Variants in ATP6V1B1 observed in about 807,000 individuals in gnomAD.
The protein encoded by ATP6V1B1 is ATPase H+ transporting V1 subunit B1, also known as V-type proton ATPase subunit B, kidney isoform.
Under a neutral mutation model 62.1 loss-of-function variants are expected in ATP6V1B1, and 41 were observed. That is an observed-to-expected ratio of 0.66 (90% CI 0.51 to 0.86). The LOEUF (loss-of-function observed/expected upper bound fraction) is 0.86, where lower values mean the gene tolerates loss of function less well. ATP6V1B1 is among the 40% of genes least tolerant of loss of function. The pLI is 0.00. For synonymous variants in ATP6V1B1, 253 were observed against 273.4 expected, an observed-to-expected ratio of 0.93 and a Z score of 0.74; for missense variants, 651 against 697.5, an observed-to-expected ratio of 0.93 and a Z score of 0.75.
chr2:70,951,440 A>AT lies in ATP6V1B1; in HGVS notation c.175-6596dup, dbSNP rs542708749. On this transcript the variant is annotated intron_variant, in intron 2 of 13. Transcript: ENST00000234396. ...GTAAGCTGATAAATTGGAATGTAGC[A>AT]TTTTTTTTTTCACTCCAGTATAGGA... Among the ~76,000 whole-genome samples the AT allele has an allele frequency of 4.4e-4, 66 of 149,134 alleles. 1 individual carries two copies. The highest frequency in any genetic ancestry group is 1.3e-3 in the African/African-American group (54 of 40,640).
chr2:70,947,123 T>C (rs1057318420), intron 2 of ATP6V1B1, among the ~76,000 whole-genome samples: 2 of 150,992 alleles, frequency 1.3e-5, no homozygotes, highest in Non-Finnish European at 3.0e-5. Context: ...TTTGTGTAGA[T>C]CAGAGGTTCT....
At chr2:70,961,406 T>G (rs528781791) in intron 7 of ATP6V1B1, among the ~76,000 whole-genome samples, 190 bp from the exon 8 acceptor site, 5 of 152,332 alleles carry the variant, frequency 3.3e-5, no homozygotes, top group Admixed American at 6.5e-5. Flanking sequence ...CAAGGCCCTA[T>G]GAGGACTGGG....
intron 1 of ATP6V1B1, among the ~76,000 whole-genome samples, chr2:70,937,653 C>A (rs527906120): frequency 5.7e-4 from 86 of 151,990 alleles, no homozygotes; most frequent in Non-Finnish European, 1.1e-3. Context: ...CCCTGCAGGC[C>A]GTCCCTCCTC....
intron 2 of ATP6V1B1, chr2:70,957,761 G>A (rs560622944): frequency 3.6e-5 from 16 of 444,888 alleles, no homozygotes; most frequent in South Asian, 8.2e-5. Context: ...TATGACTTAC[G>A]TATTTAATGA....
At position 70,963,470 on chromosome 2, in the gene ATP6V1B1, C is replaced by T; in HGVS notation, c.1061-102C>T. The T allele has an allele frequency of 2.6e-6, 4 of 1,527,090 alleles. No homozygotes were observed. In the South Asian group the frequency reaches 3.4e-5, roughly 13 times the overall value. 94.6% of individuals were successfully genotyped at this position (1,527,090 alleles called of 1,614,324 possible). The stretch of plus-strand genomic sequence containing the variant: ...TTTCCTCCACCATCCATGCCCCCCA[C>T]ACATCCCTATCACTCCCATGAGGGA... On this transcript the variant is annotated intron_variant, in intron 10 of 13. Transcript: ENST00000234396. This position sits in a 1 kb window ranked among gnomAD's most constrained non-coding sequence, Gnocchi z 4.3.
At chr2:70,943,422 C>A (rs1444716359) in intron 1 of ATP6V1B1, 3 of 660,680 alleles carry the variant, frequency 4.5e-6, no homozygotes, top group Non-Finnish European at 8.3e-6. Flanking sequence ...GAGGCCTCTG[C>A]CCTCTGCCTG....
chr2:70,959,821 T>G lies in ATP6V1B1; in HGVS notation c.446-118T>G. 6.6e-7 allele frequency: 1 copy of G among 1,513,304 alleles called. No homozygotes were observed. The highest frequency in any genetic ancestry group is 9.1e-7 in the Non-Finnish European group (1 of 1,099,160). The allele number at this position is 1,513,304 out of a possible 1,614,324, so 93.7% of individuals were successfully genotyped here. On this transcript the variant is annotated intron_variant, in intron 5 of 13. Coordinates refer to ENST00000234396, the MANE Select transcript of ATP6V1B1 (RefSeq NM_001692.4). The surrounding 1 kb of genome is among the most constrained non-coding windows in gnomAD (Gnocchi z 4.2). ...ATCAGGCAGCACGGCCAGAGCACGT[T>G]TCTATCATCACAGAAAGTTCCGTCA...
chr2:70,943,899 T>C lies in ATP6V1B1; in HGVS notation c.174+186T>C, dbSNP rs1307200288. 5 of 832,584 alleles carry C rather than the reference T, an allele frequency of 6.0e-6. No individual in the cohort carries two copies. In the African/African-American group the frequency reaches 7.4e-5, roughly 12 times the overall value. The allele number at this position is 832,584 out of a possible 1,614,324, so 51.6% of individuals were successfully genotyped here. ...TGTATCCCCAGCCGTCCAAGCTTTC[T>C]CCTCCCTGCCTTTTCAGTAAAAACC... On this transcript the variant is annotated intron_variant, in intron 2 of 13. Coordinates refer to ENST00000234396, the MANE Select transcript of ATP6V1B1 (RefSeq NM_001692.4).
At position 70,961,688 on chromosome 2, in the gene ATP6V1B1, C is replaced by G. The variant is rs1680591400; in HGVS notation, c.780C>G (p.Asp260Glu). 6.2e-7 allele frequency: 1 copy of G among 1,614,044 alleles called. No individual in the cohort carries two copies. Among genetic ancestry groups the G allele is most frequent in the South Asian group, 1.1e-5 (1 of 91,086 alleles). Reference protein sequence around the residue: ...NVCLFLNLANDPTIERIITPR... With the variant: ...NVCLFLNLANEPTIERIITPR... ...GCCTCTTCCTGAACTTGGCCAATGA[C>G]CCCACGTGAGCTTTCCCTGATGCCC... Residue 260 changes from aspartate (D) to glutamate (E), a missense_variant, in exon 8 of 14, where the codon GAC (aspartate) becomes GAG (glutamate). By Grantham distance (45) the Asp-to-Glu change is conservative (BLOSUM62 2). Transcript: ENST00000234396.
chr2:70,947,100 T>C (rs68044170), intron 2 of ATP6V1B1, among the ~76,000 whole-genome samples: 41,472 of 152,030 alleles, frequency 0.27, 5,706 homozygotes, highest in Admixed American at 0.33. Context: ...GTAAGAACAT[T>C]TGAGGGAAGA....
chr2:70,964,364 T>C, intron 11 of ATP6V1B1, 74 bp from the exon 12 acceptor site: 1 of 1,503,750 alleles, frequency 6.7e-7, no homozygotes, highest in Non-Finnish European at 9.3e-7. Flanking sequence ...GAGCTTCTCC[T>C]GAGAACAATT....
At chr2:70,958,717 C>A (rs1195326507) in intron 4 of ATP6V1B1, among the ~76,000 whole-genome samples, 2 of 152,212 alleles carry the variant, frequency 1.3e-5, no homozygotes, top group Admixed American at 1.3e-4. Flanking sequence ...CCTTGAATAT[C>A]CCCTAATTCT....
intron 2 of ATP6V1B1, among the ~76,000 whole-genome samples, chr2:70,949,348 G>A (rs546244958): frequency 6.6e-6 from 1 of 152,216 alleles, no homozygotes; most frequent in Admixed American, 6.5e-5. Flanking sequence ...ACAGACATTC[G>A]TATGTTCTCA....
intron 2 of ATP6V1B1, among the ~76,000 whole-genome samples, chr2:70,954,290 A>G (rs1381356090): frequency 6.6e-6 from 1 of 152,184 alleles, no homozygotes; most frequent in Non-Finnish European, 1.5e-5. Context: ...GCTTTTCACT[A>G]TTATGGGAGC....
rs145716996 is a variant in ATP6V1B1, at chr2:70,952,084, C to G, written c.175-5962C>G. On this transcript the variant is annotated intron_variant, in intron 2 of 13. Transcript: ENST00000234396. Reference sequence around the variant, plus strand: ...AGTAACGTTAGCATTTTACCATGTACAAGGATGTTGATGTTGGTTTTGGTT... The same window carrying G: ...AGTAACGTTAGCATTTTACCATGTAGAAGGATGTTGATGTTGGTTTTGGTT... 9.9e-5 allele frequency among the ~76,000 whole-genome samples: 15 copies of G among 152,166 alleles called. No homozygotes were observed. The East Asian group carries it at 2.9e-3, about 29-fold the overall frequency.
intron 2 of ATP6V1B1, among the ~76,000 whole-genome samples, chr2:70,951,124 G>A (rs1680314997): frequency 6.6e-6 from 1 of 151,662 alleles, no homozygotes; most frequent in South Asian, 2.1e-4. Flanking sequence ...TGTATTTTTA[G>A]TAGAGACAGG....
intron 2 of ATP6V1B1, among the ~76,000 whole-genome samples, chr2:70,951,722 A>AC (rs1680326207): frequency 6.6e-6 from 1 of 152,002 alleles, no homozygotes; most frequent in Non-Finnish European, 1.5e-5. Context: ...ACATGGAGAA[A>AC]CCCCATCTCT....
chr2:70,962,984 G>A, intron 9 of ATP6V1B1, 84 bp downstream of exon 9: 2 of 1,607,128 alleles, frequency 1.2e-6, no homozygotes, highest in South Asian at 1.1e-5. Context: ...GCAAATAGAG[G>A]GGAGCTGGTC....
chr2:70,941,789 C>T (rs1433705299), intron 1 of ATP6V1B1: 6 of 985,524 alleles, frequency 6.1e-6, no homozygotes, highest in Non-Finnish European at 6.0e-6. Flanking sequence ...ACCTCGAAGT[C>T]CTCCAGCACC....
Sources: gnomAD v4.1 joint callset for allele counts (sites outside exome capture counted in the v4.1 genomes callset) on GRCh38, gnomAD v4.1.1 for gene constraint, Gnocchi (gnomAD v3.1) non-coding constraint, MANE v1.5 for transcripts, NCBI Gene and HGNC (gene_info 2026-07-23, HGNC 2026-07-21) for gene names.